The following VPS35L variants were observed in gnomAD, a reference collection of about 807,000 sequenced individuals.
The protein encoded by VPS35L is VPS35 endosomal protein sorting factor like.
A neutral mutation model predicts 133.0 loss-of-function variants in VPS35L; 83 were observed. The ratio of observed to expected loss-of-function variants is 0.62; its 90% CI spans 0.52 to 0.75. VPS35L has a LOEUF of 0.75. VPS35L is among the 30% of genes least tolerant of loss of function. The pLI is 0.00. For synonymous variants in VPS35L, 423 were observed against 449.9 expected, an observed-to-expected ratio of 0.94 and a Z score of 0.76; for missense variants, 1,083 against 1,206.8, an observed-to-expected ratio of 0.90 and a Z score of 1.52.
At chr16:19,682,156 T>C (rs1975302523) in intron 27 of VPS35L, 69 bp from the exon 28 acceptor site, 4 of 1,537,468 alleles carry the variant, frequency 2.6e-6, no homozygotes, top group African/African-American at 1.4e-5. Context: ...TGGGCTTCTG[T>C]GTTGATTTTC....
At chr16:19,584,475 A>T (rs1597329169) in intron 7 of VPS35L, among the ~76,000 whole-genome samples, 1 of 151,908 alleles carries the variant, frequency 6.6e-6, no homozygotes, top group African/African-American at 2.4e-5. Context: ...GAAAATACAA[A>T]AATTAGCTGG....
At position 19,601,661 on chromosome 16, in the gene VPS35L, C is replaced by T; in HGVS notation, c.725-3C>T. 3 of 1,614,048 alleles carry T rather than the reference C, an allele frequency of 1.9e-6. No individual in the cohort carries two copies. Among genetic ancestry groups the T allele is most frequent in the South Asian group, 1.1e-5 (1 of 91,070 alleles). Reference sequence around the variant, plus strand: ...CTAACACCATCTGTCCTTTTCCTCCCAGGAAAGCTCGTGTACGAGCGCATC... The same window carrying T: ...CTAACACCATCTGTCCTTTTCCTCCTAGGAAAGCTCGTGTACGAGCGCATC... On this transcript the variant is annotated splice_polypyrimidine_tract_variant and splice_region_variant and intron_variant, in intron 8 of 30. Transcript: ENST00000417362.
At chr16:19,592,178 C>T (rs559511194) in intron 8 of VPS35L, among the ~76,000 whole-genome samples, 30 of 151,698 alleles carry the variant, frequency 2.0e-4, no homozygotes, top group African/African-American at 7.0e-4. Context: ...GGGCTCAAGC[C>T]GTCTTCCTGC....
At position 19,558,460 on chromosome 16, in the gene VPS35L, G is replaced by T. The variant is rs565477802; in HGVS notation, c.17+2714G>T. ...CTGGGCTGAGGTTTCTGGCTTGCGG[G>T]GTTCCCCAAATCCCACTGCCTTGTC... is the stretch of plus-strand genomic sequence containing the variant. On this transcript the variant is annotated intron_variant, in intron 1 of 30. Transcript: ENST00000417362. Among the ~76,000 whole-genome samples the T allele has an allele frequency of 3.9e-5, 6 of 152,258 alleles. No individual in the cohort carries two copies. The South Asian group carries it at 1.2e-3, about 32-fold the overall frequency.
chr16:19,575,171 T>C, intron 5 of VPS35L, 49 bp downstream of exon 5: 1 of 1,555,736 alleles, frequency 6.4e-7, no homozygotes, highest in South Asian at 1.2e-5. Context: ...GGCATTACTT[T>C]TAGTATAATT....
At chr16:19,693,164 C>T (rs1975758464) in intron 29 of VPS35L, among the ~76,000 whole-genome samples, 1 of 152,068 alleles carries the variant, frequency 6.6e-6, no homozygotes, top group Non-Finnish European at 1.5e-5. Flanking sequence ...GAAAGAGTGG[C>T]ATTGGAACCC....
chr16:19,657,560 C>G (rs1408772697), intron 26 of VPS35L, among the ~76,000 whole-genome samples: 3 of 152,120 alleles, frequency 2.0e-5, no homozygotes, highest in Admixed American at 1.3e-4. Flanking sequence ...TGCTTTTCCC[C>G]CTGTAAGCGC....
intron 14 of VPS35L, among the ~76,000 whole-genome samples, chr16:19,620,093 T>G (rs1400825408): frequency 1.3e-5 from 2 of 152,134 alleles, no homozygotes; most frequent in Non-Finnish European, 2.9e-5. Context: ...AGGTAAAAAA[T>G]CAAGGCATGT....
At chr16:19,572,349 C>T (rs1428741561) in intron 3 of VPS35L, among the ~76,000 whole-genome samples, 4 of 152,124 alleles carry the variant, frequency 2.6e-5, no homozygotes, top group African/African-American at 4.8e-5. Flanking sequence ...ACCTGGGATG[C>T]GGAGATTGCA....
chr16:19,567,838 G>C (rs1368264488), intron 2 of VPS35L, among the ~76,000 whole-genome samples: 1 of 151,984 alleles, frequency 6.6e-6, no homozygotes, highest in Non-Finnish European at 1.5e-5. Context: ...AAAGTGTGAT[G>C]GTGTGCTTGT....
chr16:19,560,032 CT>C (rs1392657879), intron 1 of VPS35L, among the ~76,000 whole-genome samples: 1 of 152,066 alleles, frequency 6.6e-6, no homozygotes, highest in Admixed American at 6.6e-5. Flanking sequence ...CACCATCCCC[CT>C]TTTTAAAAAA....
intron 8 of VPS35L, among the ~76,000 whole-genome samples, chr16:19,594,989 G>T (rs974301424): frequency 6.6e-6 from 1 of 152,132 alleles, no homozygotes; most frequent in African/African-American, 2.4e-5. Flanking sequence ...CAGCTTGTGC[G>T]GAGATCCTGG....
chr16:19,616,940 G>C (rs1972915928), intron 14 of VPS35L, 132 bp downstream of exon 14: 2 of 1,346,006 alleles, frequency 1.5e-6, no homozygotes, highest in African/African-American at 2.9e-5. Flanking sequence ...AGCCTTTATA[G>C]AGGGCTTGCC....
At chr16:19,565,565 C>G (rs769918709) in intron 2 of VPS35L, among the ~76,000 whole-genome samples, 2 of 152,236 alleles carry the variant, frequency 1.3e-5, no homozygotes, top group Non-Finnish European at 2.9e-5. Flanking sequence ...GTTGGCCAGG[C>G]TGGTCTCGAA....
chr16:19,573,375 A>G (rs1971442301), intron 4 of VPS35L, 134 bp downstream of exon 4: 9 of 1,028,990 alleles, frequency 8.7e-6, no homozygotes, highest in Non-Finnish European at 9.6e-6. Flanking sequence ...AAAAGCTCAC[A>G]TATAAGGCTT....
At chr16:19,656,568 A>C (rs1974310026) in intron 26 of VPS35L, among the ~76,000 whole-genome samples, 1 of 151,470 alleles carries the variant, frequency 6.6e-6, no homozygotes, top group Non-Finnish European at 1.5e-5. Context: ...CTCTTGGATG[A>C]CTCGGCCTTT....
chr16:19,597,756 AG>A (rs1477057946), intron 8 of VPS35L, among the ~76,000 whole-genome samples: 1 of 152,180 alleles, frequency 6.6e-6, no homozygotes, highest in Non-Finnish European at 1.5e-5. Flanking sequence ...AGATGCTCAA[AG>A]AGTCTTTATT....
rs902883763 is a variant in VPS35L, at chr16:19,579,221, T to C, written c.510+93T>C. 9.4e-6 allele frequency: 11 copies of C among 1,166,392 alleles called. No homozygotes were observed. The Admixed American group carries it at 2.1e-4, about 22-fold the overall frequency. 72.3% of individuals were successfully genotyped at this position (1,166,392 alleles called of 1,614,324 possible). On this transcript the variant is annotated intron_variant, in intron 6 of 30. Transcript: ENST00000417362. Reference sequence around the variant, plus strand: ...ACCTCGGTGGCTGCTCTTTGATTAATTCCTGGGCTGCGCATTGTGCTTGGT... The same window carrying C: ...ACCTCGGTGGCTGCTCTTTGATTAACTCCTGGGCTGCGCATTGTGCTTGGT...
chr16:19,579,223 C>T, intron 6 of VPS35L, 95 bp downstream of exon 6: 1 of 1,149,652 alleles, frequency 8.7e-7, no homozygotes, highest in Non-Finnish European at 1.3e-6. Flanking sequence ...TTGATTAATT[C>T]CTGGGCTGCG....
Sources: allele counts gnomAD v4.1 joint callset (sites outside exome capture counted in the v4.1 genomes callset), GRCh38; gene constraint gnomAD v4.1.1; transcripts MANE v1.5; gene names NCBI Gene and HGNC (gene_info 2026-07-23, HGNC 2026-07-21).